Variants in CCL5 observed in about 807,000 individuals in gnomAD.
CCL5 encodes the protein C-C motif chemokine 5.
In CCL5, 5 loss-of-function variants were observed where a neutral mutation model predicts 9.0. That is an observed-to-expected ratio of 0.55 (90% CI 0.29 to 1.16). CCL5 has a LOEUF of 1.16. CCL5 is among the 50% of genes most tolerant of loss of function. The pLI, the probability that CCL5 is intolerant of heterozygous loss-of-function variation, is 0.08. For missense variants in CCL5, 183 were observed against 183.2 expected, an observed-to-expected ratio of 1.00 and a Z score of 0.01; for synonymous variants, 66 against 72.0, an observed-to-expected ratio of 0.92 and a Z score of 0.42.
intron 1 of CCL5, 43 bp downstream of exon 1, chr17:35,880,187 G>A: frequency 6.5e-7 from 1 of 1,533,824 alleles, no homozygotes; most frequent in Non-Finnish European, 9.0e-7. Flanking sequence ...ATTCTAGGCA[G>A]AGTCTGACTC....
chr17:35,875,622 TTTGGCATCC>T lies in CCL5; in HGVS notation c.200_208del (p.Arg67_Pro69del), dbSNP rs760048095. On this transcript the variant is annotated inframe_deletion, in exon 3 of 4. Transcript: ENST00000651122. The stretch of plus-strand genomic sequence containing the variant: ...CTGCCAGACTTGCTGTCCCTCTCTC[TTTGGCATCC>T]TTGACCTGTGGCTAGGAAGTCAAAA... 9.0e-5 allele frequency: 89 copies of T among 985,374 alleles called. No homozygotes were observed. Among genetic ancestry groups the T allele is most frequent in the Middle Eastern group, 1.0e-3 (2 of 1,916 alleles). 61.0% of individuals were successfully genotyped at this position (985,374 alleles called of 1,614,324 possible). A position where few individuals can be genotyped will look rare whatever the true frequency, so the allele number is the denominator to read the frequency against.
intron 3 of CCL5, among the ~76,000 whole-genome samples, chr17:35,875,270 T>C (rs1300631280): frequency 6.6e-6 from 1 of 152,224 alleles, no homozygotes; most frequent in Non-Finnish European, 1.5e-5. Flanking sequence ...TGGTAAAATA[T>C]TCATAACATA....
chr17:35,878,758 T>C, intron 1 of CCL5, 119 bp from the exon 2 acceptor site: 1 of 658,668 alleles, frequency 1.5e-6, no homozygotes, highest in Middle Eastern at 2.7e-4. Flanking sequence ...TGACAGAAAC[T>C]GAGGCTCAGA....
At chr17:35,872,548 T>G in intron 3 of CCL5, 84 bp from the exon 3 acceptor site, 1 of 1,115,130 alleles carries the variant, frequency 9.0e-7, no homozygotes, top group Non-Finnish European at 1.4e-6. Flanking sequence ...GATTAAGGTA[T>G]AAAGGGAAAT....
chr17:35,880,083 A>G (rs1285405876), intron 1 of CCL5, 147 bp downstream of exon 1: 1 of 697,588 alleles, frequency 1.4e-6, no homozygotes, highest in Non-Finnish European at 2.6e-6. Context: ...GGGTAAGACA[A>G]TTCATAAGAA....
intron 1 of CCL5, 49 bp from the exon 2 acceptor site, chr17:35,878,688 A>G (rs1254590118): frequency 2.8e-6 from 3 of 1,060,350 alleles, no homozygotes; most frequent in Admixed American, 1.8e-5. Context: ...TTGCTACTGC[A>G]CACTTGACAT....
In CCL5 at chr17:35,872,296, G is replaced by T; in HGVS notation, c.439C>A (p.His147Asn). Residue 147 changes from histidine (H) to asparagine (N), a missense_variant, in exon 4 of 4, where the codon CAC becomes AAC. Coordinates refer to ENST00000651122, the MANE Select transcript of CCL5 (RefSeq NM_001278736.2). ...CAAGGAGCGGGTGGGGTAGGATAGT[G>T]AGGGGAAGCCTCCCAAGCTAGGACA... is the stretch of plus-strand genomic sequence containing the variant. 1 of 1,596,194 alleles carries T rather than the reference G, an allele frequency of 6.3e-7. No individual in the cohort carries two copies. Among genetic ancestry groups the T allele is most frequent in the Non-Finnish European group, 8.6e-7 (1 of 1,167,946 alleles).
intron 3 of CCL5, among the ~76,000 whole-genome samples, chr17:35,873,718 A>C (rs1470321041): frequency 1.3e-5 from 2 of 152,354 alleles, no homozygotes; most frequent in East Asian, 3.9e-4. Flanking sequence ...AATTACTGTG[A>C]AGCTCAAAGG....
At chr17:35,872,556 A>G in intron 3 of CCL5, 92 bp from the exon 3 acceptor site, 2 of 1,024,918 alleles carry the variant, frequency 2.0e-6, no homozygotes, top group Non-Finnish European at 3.1e-6. Flanking sequence ...TATAAAGGGA[A>G]ATTATGATGA....
At position 35,872,955 on chromosome 17, in the gene CCL5, T is replaced by C. The variant is rs186351337; in HGVS notation, c.271-491A>G. Reference sequence around the variant, plus strand: ...CCAGGCTGGAGTGCAAGTGGCACGATCTCAGCTCACTGCAACTTTCGCCTC... The same window carrying C: ...CCAGGCTGGAGTGCAAGTGGCACGACCTCAGCTCACTGCAACTTTCGCCTC... On this transcript the variant is annotated intron_variant, in intron 3 of 3. Transcript: ENST00000651122. 1.5e-3 allele frequency among the ~76,000 whole-genome samples: 234 copies of C among 151,706 alleles called. 1 individual carries two copies. Among genetic ancestry groups the C allele is most frequent in the African/African-American group, 5.5e-3 (227 of 41,356 alleles).
chr17:35,880,317 G>A lies in CCL5; in HGVS notation c.-12C>T, dbSNP rs1258528876. The A allele has an allele frequency of 1.2e-6, 2 of 1,607,528 alleles. No homozygotes were observed. Among genetic ancestry groups the A allele is most frequent in the South Asian group, 1.1e-5 (1 of 89,768 alleles). On this transcript the variant is annotated 5_prime_UTR_variant, in exon 1 of 4. Coordinates refer to ENST00000651122, the MANE Select transcript of CCL5 (RefSeq NM_001278736.2). ...GCGGAGACCTTCATGGTACCTGTGG[G>A]AGAGGCTGTGCGAGGTCCACGTGCT... is the stretch of plus-strand genomic sequence containing the variant.
intron 1 of CCL5, among the ~76,000 whole-genome samples, chr17:35,879,122 G>A (rs1235579775): frequency 6.6e-6 from 1 of 152,192 alleles, no homozygotes; most frequent in Non-Finnish European, 1.5e-5. Flanking sequence ...AGAACTTCTT[G>A]TTGGTCAGTT....
chr17:35,880,243 T>C lies in CCL5; in HGVS notation c.63A>G (p.Ala21=), dbSNP rs760825249. Residue 21 remains alanine (A), a synonymous_variant, in exon 1 of 4, where the codon GCA becomes GCG. Coordinates refer to ENST00000651122, the MANE Select transcript of CCL5 (RefSeq NM_001278736.2). ...ACCAGGACTTACATGGGGAGGCAGA[T>C]GCAGGAGCGCAGAGGGCAGTAGCAA... 2.5e-6 allele frequency: 4 copies of C among 1,613,696 alleles called. No homozygotes were observed. The highest frequency in any genetic ancestry group is 3.4e-6 in the Non-Finnish European group (4 of 1,179,874).
intron 3 of CCL5, among the ~76,000 whole-genome samples, chr17:35,874,860 C>A (rs55846484): frequency 0.03 from 4,636 of 152,224 alleles, 98 homozygotes; most frequent in East Asian, 0.11. Flanking sequence ...TGACCACCCG[C>A]CTCAGCCTCC....
chr17:35,879,658 AAGAT>A (rs1456901118), intron 1 of CCL5, among the ~76,000 whole-genome samples: 1 of 151,520 alleles, frequency 6.6e-6, no homozygotes, highest in Admixed American at 6.6e-5. Context: ...AAAAAAAAAA[AAGAT>A]GTGCCAAAAT....
intron 1 of CCL5, 44 bp downstream of exon 1, chr17:35,880,186 A>G (rs1024377728): frequency 6.5e-7 from 1 of 1,527,524 alleles, no homozygotes; most frequent in African/African-American, 1.4e-5. Flanking sequence ...CATTCTAGGC[A>G]GAGTCTGACT....
intron 2 of CCL5, among the ~76,000 whole-genome samples, chr17:35,876,824 AT>A (rs1356413376): frequency 6.6e-6 from 1 of 152,168 alleles, no homozygotes; most frequent in Non-Finnish European, 1.5e-5. Flanking sequence ...GATATATCCC[AT>A]TCCCTAGGCT....
Position 35,872,005 on chromosome 17 carries a change from T to C in CCL5, c.*265A>G, listed in dbSNP as rs1280047140. 6.9e-6 allele frequency: 1 copy of C among 144,412 alleles called. No individual in the cohort carries two copies. The highest frequency in any genetic ancestry group is 1.5e-5 in the Non-Finnish European group (1 of 68,308). The allele number at this position is 144,412 out of a possible 1,614,324, so 8.9% of individuals were successfully genotyped here. On this transcript the variant is annotated 3_prime_UTR_variant, in exon 4 of 4. Transcript: ENST00000651122. ...GGCGCGATCTCGGCTCACTGCAAGC[T>C]CCGCCTCCCGGGTTCACGCCATTCT...
In CCL5 at chr17:35,872,409, G is replaced by T. The variant is rs779249457; in HGVS notation, c.326C>A (p.Ser109Ter). 1 of 1,613,836 alleles carries T rather than the reference G, an allele frequency of 6.2e-7. No homozygotes were observed. Reference sequence around the variant, plus strand: ...ATCTCCAAAGAGTTGATGTACTCCCGAACCCATTTCTTCTCTGGGTTGGCA... The same window carrying T: ...ATCTCCAAAGAGTTGATGTACTCCCTAACCCATTTCTTCTCTGGGTTGGCA... Residue 109 changes from serine to a stop codon, truncating the protein, a stop_gained, in exon 4 of 4, where the codon TCG (serine) becomes TAG (stop). Coordinates refer to ENST00000651122, the MANE Select transcript of CCL5 (RefSeq NM_001278736.2). LOFTEE classifies it low-confidence loss of function (END_TRUNC).
Sources: allele counts gnomAD v4.1 joint callset (sites outside exome capture counted in the v4.1 genomes callset), GRCh38; gene constraint gnomAD v4.1.1; transcripts MANE v1.5; gene names NCBI Gene and HGNC (gene_info 2026-07-23, HGNC 2026-07-21).